The following CAMKMT variants were observed in gnomAD, a reference collection of about 807,000 sequenced individuals.
CAMKMT encodes calmodulin-lysine N-methyltransferase.
In CAMKMT, 53 loss-of-function variants were observed where a neutral mutation model predicts 48.0. That is an observed-to-expected ratio of 1.10 (90% CI 0.89 to 1.39). The LOEUF is 1.39. Ranked by LOEUF, CAMKMT falls within the 40% of genes most tolerant of loss-of-function variation. The pLI is 0.00. For missense variants in CAMKMT, 428 were observed against 402.7 expected (o/e 1.06, Z -0.54); for synonymous variants, 165 against 152.3 (o/e 1.08, Z -0.61).
chr2:44,394,987 T>A (rs776117012), intron 3 of CAMKMT: 1 of 448,126 alleles, frequency 2.2e-6, no homozygotes, highest in Non-Finnish European at 4.5e-6. Context: ...AGCAAGACTT[T>A]TCCTGTAAAA....
Position 44,556,450 on chromosome 2 carries a change from C to CTTT in CAMKMT, c.377-147805_377-147803dup, listed in dbSNP as rs1176467214. ...CACCGTGTCCAGCCAATTTTTCTTT[C>CTTT]TTTTTTTTTTTTTTTTTTTTTTTTT... On this transcript the variant is annotated intron_variant, in intron 3 of 10. Coordinates refer to ENST00000378494, the MANE Select transcript of CAMKMT (RefSeq NM_024766.5). Among the ~76,000 whole-genome samples, 244 of 50,246 alleles carry CTTT rather than the reference C, an allele frequency of 4.9e-3. 9 individuals are homozygous for CTTT. Among genetic ancestry groups the CTTT allele is most frequent in the African/African-American group, 6.8e-3 (74 of 10,916 alleles). The allele number at this position is 50,246 out of a possible 152,430, so 33.0% of individuals were successfully genotyped here.
At chr2:44,679,933 A>G (rs1675925959) in intron 3 of CAMKMT, among the ~76,000 whole-genome samples, 1 of 152,236 alleles carries the variant, frequency 6.6e-6, no homozygotes, top group South Asian at 2.1e-4. Flanking sequence ...AAGCACTTCT[A>G]AAAATTTGAA....
Position 44,378,471 on chromosome 2 carries a change from AGTTTGTTTGTTTGTTT to A in CAMKMT, c.311+5608_311+5623del, listed in dbSNP as rs71393268. ...AAGAACTCCAAAGCATCTAGAATTA[AGTTTGTTTGTTTGTTT>A]GTTTGTTTGTTTGTTTGTTTGTTTT... On this transcript the variant is annotated intron_variant, in intron 2 of 10. Coordinates refer to ENST00000378494, the MANE Select transcript of CAMKMT (RefSeq NM_024766.5). 1.8e-3 allele frequency among the ~76,000 whole-genome samples: 274 copies of A among 150,876 alleles called. 2 individuals carry two copies. Among genetic ancestry groups the A allele is most frequent in the African/African-American group, 4.0e-3 (163 of 41,158 alleles).
Position 44,653,455 on chromosome 2 carries a change from T to C in CAMKMT, c.377-50828T>C, listed in dbSNP as rs892807250. On this transcript the variant is annotated intron_variant, in intron 3 of 10. Transcript: ENST00000378494. The surrounding 1 kb of genome is among the most constrained non-coding windows in gnomAD (Gnocchi z 5.2). The stretch of plus-strand genomic sequence containing the variant: ...ATTAGATATAGTTTTATCTCATTGA[T>C]AGAGAAACATGGGCCCTTAGGAGTG... Among the ~76,000 whole-genome samples the C allele has an allele frequency of 2.6e-5, 4 of 152,218 alleles. No homozygotes were observed. The highest frequency in any genetic ancestry group is 4.4e-5 in the Non-Finnish European group (3 of 68,040).
chr2:44,389,678 TAAA>T (rs1271811538), intron 2 of CAMKMT, among the ~76,000 whole-genome samples: 1 of 152,284 alleles, frequency 6.6e-6, no homozygotes, highest in Non-Finnish European at 1.5e-5. Flanking sequence ...GTCAAATATT[TAAA>T]AGAGTTGTTA....
rs201367098 is a variant in CAMKMT, at chr2:44,629,436, T to TC, written c.377-74847_377-74846insC. On this transcript the variant is annotated intron_variant, in intron 3 of 10. Transcript: ENST00000378494. Reference sequence around the variant, plus strand: ...GTATGCATTTCTTTCTTTCTTTCTTTTTTTTTTTTTTTTTTTTGAGACAGG... The same window carrying TC: ...GTATGCATTTCTTTCTTTCTTTCTTTCTTTTTTTTTTTTTTTTTGAGACAGG... Among the ~76,000 whole-genome samples, 886 of 139,958 alleles carry TC rather than the reference T, an allele frequency of 6.3e-3. 2 individuals carry two copies. The highest frequency in any genetic ancestry group is 0.02 in the African/African-American group (703 of 35,276). The allele number at this position is 139,958 out of a possible 152,430, so 91.8% of individuals were successfully genotyped here.
At chr2:44,445,655 T>G (rs1233178863) in intron 3 of CAMKMT, among the ~76,000 whole-genome samples, 105 of 8,304 alleles carry the variant, frequency 0.013, 1 homozygote, top group African/African-American at 0.037. Flanking sequence ...GTTTTTTTTT[T>G]TTTTTTTTTT....
chr2:44,738,312 A>G (rs1408554932), intron 7 of CAMKMT, among the ~76,000 whole-genome samples: 1 of 152,166 alleles, frequency 6.6e-6, no homozygotes, highest in Admixed American at 6.5e-5. Context: ...GCTGATGTTC[A>G]GTGTCTTGAA....
intron 7 of CAMKMT, among the ~76,000 whole-genome samples, chr2:44,726,505 A>T (rs1190523456): frequency 2.0e-5 from 3 of 152,080 alleles, no homozygotes; most frequent in Non-Finnish European, 4.4e-5. Context: ...TTCCCTAGAG[A>T]TTCTAGATAT....
intron 3 of CAMKMT, among the ~76,000 whole-genome samples, chr2:44,605,250 A>G (rs963147744): frequency 6.6e-6 from 1 of 152,210 alleles, no homozygotes; most frequent in African/African-American, 2.4e-5. Context: ...GCACTTATCC[A>G]TACAGATGAG....
intron 3 of CAMKMT, among the ~76,000 whole-genome samples, chr2:44,480,544 C>T (rs568379479): frequency 5.9e-5 from 9 of 152,246 alleles, no homozygotes; most frequent in African/African-American, 2.2e-4. Flanking sequence ...TGTCTTATTG[C>T]TCAAATTAAT....
intron 3 of CAMKMT, among the ~76,000 whole-genome samples, chr2:44,596,143 AAAG>A (rs1431868729): frequency 9.2e-5 from 14 of 151,820 alleles, no homozygotes; most frequent in Admixed American, 5.9e-4. Context: ...AAAAAAAAAA[AAAG>A]AAAGAAAAAG....
chr2:44,762,561 C>G lies in CAMKMT; in HGVS notation c.763-3869C>G, dbSNP rs184516587. On this transcript the variant is annotated intron_variant, in intron 9 of 10. Coordinates refer to ENST00000378494, the MANE Select transcript of CAMKMT (RefSeq NM_024766.5). ...AGGAGATATACCTAATGTTAAATGA[C>G]AAGTTAATGGGTGCAGCACACCAAC... Among the ~76,000 whole-genome samples, 12 of 152,216 alleles carry G rather than the reference C, an allele frequency of 7.9e-5. No individual in the cohort carries two copies. The East Asian group carries it at 2.3e-3, about 29-fold the overall frequency.
intron 2 of CAMKMT, among the ~76,000 whole-genome samples, chr2:44,379,887 C>CATGTGATTTTTGCAA (rs1396868253): frequency 6.6e-6 from 1 of 151,952 alleles, no homozygotes; most frequent in Non-Finnish European, 1.5e-5. Flanking sequence ...CCCTATCATA[C>CATGTGATTTTTGCAA]ATGTGATATT....
At chr2:44,467,189 G>A (rs898379862) in intron 3 of CAMKMT, among the ~76,000 whole-genome samples, 4 of 151,950 alleles carry the variant, frequency 2.6e-5, no homozygotes, top group East Asian at 1.9e-4. Flanking sequence ...GGGAGGTCAA[G>A]GCTGCAGCAG....
intron 1 of CAMKMT, among the ~76,000 whole-genome samples, chr2:44,364,398 G>C (rs1175181898): frequency 1.3e-5 from 2 of 152,132 alleles, no homozygotes; most frequent in East Asian, 3.9e-4. Context: ...ATGCCTCTGG[G>C]CTAAGTTAGA....
chr2:44,644,053 G>A (rs1673594890), intron 3 of CAMKMT, among the ~76,000 whole-genome samples: 1 of 152,186 alleles, frequency 6.6e-6, no homozygotes, highest in Non-Finnish European at 1.5e-5. Flanking sequence ...AAGCGTAAAT[G>A]TAGGCAGAGA....
At chr2:44,400,584 A>C (rs1434951689) in intron 3 of CAMKMT, among the ~76,000 whole-genome samples, 3 of 152,162 alleles carry the variant, frequency 2.0e-5, no homozygotes, top group Non-Finnish European at 1.5e-5. Context: ...TATCAAAGCT[A>C]TTTAAATGAA....
Position 44,372,826 on chromosome 2 carries a change from G to A in CAMKMT, c.249G>A (p.Glu83=). 1 of 1,613,910 alleles carries A rather than the reference G, an allele frequency of 6.2e-7. No individual in the cohort carries two copies. Among genetic ancestry groups the A allele is most frequent in the Non-Finnish European group, 8.5e-7 (1 of 1,179,910 alleles). Residue 83 remains glutamate, a synonymous_variant, in exon 2 of 11, where the codon GAG becomes GAA. Coordinates refer to ENST00000378494, the MANE Select transcript of CAMKMT (RefSeq NM_024766.5). Reference sequence around the variant, plus strand: ...AAGGCAAAGAAAGGGAAACTGAAGAGGAGGTTGGTGCATGGGTCCAATATA... The same window carrying A: ...AAGGCAAAGAAAGGGAAACTGAAGAAGAGGTTGGTGCATGGGTCCAATATA... ...VTEGKERETE[E]EVGAWVQYTS...
Sources: allele counts gnomAD v4.1 joint callset (sites outside exome capture counted in the v4.1 genomes callset), GRCh38; gene constraint gnomAD v4.1.1; non-coding constraint Gnocchi (gnomAD v3.1); transcripts MANE v1.5; gene names NCBI Gene and HGNC (gene_info 2026-07-23, HGNC 2026-07-21).